Variants in CSMD1 observed in about 807,000 individuals in gnomAD.
The protein encoded by CSMD1 is CUB and sushi domain-containing protein 1.
Under a neutral mutation model 417.5 loss-of-function variants are expected in CSMD1, and 213 were observed. The observed-to-expected ratio is 0.51, with a 90% CI of 0.46 to 0.57. The LOEUF (loss-of-function observed/expected upper bound fraction) is 0.57. Among genes scored for constraint, CSMD1 ranks in the 20% least tolerant of loss-of-function variants. The probability of loss-of-function intolerance (pLI) is 0.00; values close to 1 mark genes in which losing one functional copy is unlikely to be tolerated. For missense variants in CSMD1, 6,923 were observed against 4,529.7 expected, an observed-to-expected ratio of 1.53 and a Z score of -15.17; for synonymous variants, 2,862 against 1,736.8, an observed-to-expected ratio of 1.65 and a Z score of -16.11.
At chr8:4,834,956 CAAAAAAA>C (rs1194297821) in intron 1 of CSMD1, among the ~76,000 whole-genome samples, 9 of 19,832 alleles carry the variant, frequency 4.5e-4, no homozygotes, top group Non-Finnish European at 5.9e-4. Flanking sequence ...GACTCCATCT[CAAAAAAA>C]AAAAAAAAAA....
intron 5 of CSMD1, among the ~76,000 whole-genome samples, chr8:3,898,076 G>A (rs902282856): frequency 2.0e-5 from 3 of 152,108 alleles, no homozygotes; most frequent in South Asian, 2.1e-4. Flanking sequence ...GGTATGGAGG[G>A]AAATATATTA....
intron 23 of CSMD1, 150 bp from the exon 24 acceptor site, chr8:3,308,653 G>T: frequency 1.6e-6 from 1 of 609,190 alleles, no homozygotes. Flanking sequence ...AAGAAAGATG[G>T]GTCTGTACTG....
At position 4,165,047 on chromosome 8, in the gene CSMD1, G is replaced by C. The variant is rs114646322; in HGVS notation, c.416-132948C>G. On this transcript the variant is annotated intron_variant, in intron 3 of 69. Coordinates refer to ENST00000635120, the MANE Select transcript of CSMD1 (RefSeq NM_033225.6). ...GACACCTGAGGTTTCTGTATTGGTA[G>C]AGGCTGTGTAGACAGTGAAGTTTAG... is the stretch of plus-strand genomic sequence containing the variant. Among the ~76,000 whole-genome samples, 9 of 152,254 alleles carry C rather than the reference G, an allele frequency of 5.9e-5. No homozygotes were observed. In the South Asian group the frequency reaches 1.5e-3, roughly 25 times the overall value.
intron 7 of CSMD1, among the ~76,000 whole-genome samples, chr8:3,667,444 G>A (rs1340394372): frequency 6.6e-6 from 1 of 152,204 alleles, no homozygotes; most frequent in Non-Finnish European, 1.5e-5. Context: ...AGCAGCCATT[G>A]GCAAGGCCTT....
chr8:4,257,900 TAAC>T (rs1013310218), intron 3 of CSMD1, among the ~76,000 whole-genome samples: 8 of 152,316 alleles, frequency 5.3e-5, no homozygotes, highest in South Asian at 2.1e-4. Context: ...GTGACCAGGC[TAAC>T]AACAACAACC....
At chr8:3,169,903 T>C (rs1210002283) in intron 37 of CSMD1, among the ~76,000 whole-genome samples, 1 of 152,222 alleles carries the variant, frequency 6.6e-6, no homozygotes, top group African/African-American at 2.4e-5. Context: ...GCTGGCTCTC[T>C]AGTCCTCTGT....
chr8:4,082,634 T>G (rs1800200069), intron 3 of CSMD1, among the ~76,000 whole-genome samples: 1 of 152,028 alleles, frequency 6.6e-6, no homozygotes, highest in South Asian at 2.1e-4. Context: ...ATTATTACAC[T>G]TTAACTTTTA....
intron 8 of CSMD1, among the ~76,000 whole-genome samples, chr8:3,601,399 C>T (rs919237793): frequency 1.3e-5 from 2 of 152,158 alleles, no homozygotes; most frequent in Admixed American, 6.5e-5. Context: ...CATTATCAGA[C>T]GATGTTTATG....
At chr8:4,837,094 G>C (rs913898515) in intron 1 of CSMD1, among the ~76,000 whole-genome samples, 3 of 151,666 alleles carry the variant, frequency 2.0e-5, no homozygotes, top group Admixed American at 1.3e-4. Flanking sequence ...TAATTAATGA[G>C]GGCTTCACTA....
intron 5 of CSMD1, among the ~76,000 whole-genome samples, chr8:3,967,011 G>T (rs56322849): frequency 3.3e-5 from 5 of 152,056 alleles, no homozygotes; most frequent in Non-Finnish European, 7.3e-5. Flanking sequence ...GTGTCAATTG[G>T]TGAAATAATC....
At chr8:4,228,083 G>A (rs1047720416) in intron 3 of CSMD1, among the ~76,000 whole-genome samples, 1 of 151,864 alleles carries the variant, frequency 6.6e-6, no homozygotes, top group African/African-American at 2.4e-5. Context: ...CCCCACACCA[G>A]GAGACACACT....
intron 3 of CSMD1, among the ~76,000 whole-genome samples, chr8:4,185,042 G>C (rs1278304412): frequency 6.6e-6 from 1 of 151,014 alleles, no homozygotes; most frequent in Non-Finnish European, 1.5e-5. Context: ...GGGAGGCTGA[G>C]GCAGGAGAAT....
At chr8:3,999,884 A>G (rs1453754485) in intron 4 of CSMD1, among the ~76,000 whole-genome samples, 3 of 152,176 alleles carry the variant, frequency 2.0e-5, no homozygotes, top group Non-Finnish European at 2.9e-5. Context: ...AGGGCTGCCC[A>G]TGTTTTGTAG....
chr8:3,710,741 C>G (rs1801458993), intron 6 of CSMD1, among the ~76,000 whole-genome samples: 2 of 152,168 alleles, frequency 1.3e-5, no homozygotes, highest in East Asian at 1.9e-4. Flanking sequence ...CTCCAACCTT[C>G]CAAAAGCCAT....
chr8:4,379,814 G>C (rs955270480), intron 3 of CSMD1, among the ~76,000 whole-genome samples: 7 of 152,176 alleles, frequency 4.6e-5, no homozygotes, highest in African/African-American at 7.2e-5. Context: ...AATTCTATGA[G>C]GTAAGTACTG....
At position 3,399,417 on chromosome 8, in the gene CSMD1, G is replaced by T. The variant is rs747133709; in HGVS notation, c.2379C>A (p.Gly793=). Residue 793 remains glycine, a synonymous_variant, in exon 16 of 70, where the codon GGC becomes GGA. Coordinates refer to ENST00000635120, the MANE Select transcript of CSMD1 (RefSeq NM_033225.6). ...TGTCAAAAGTTATTTTGATAGAGTG[G>T]CCTGGTTTTGCTTCAATTATCCATT... ...HCEWIIEAKP[G]HSIKITFDRF... 6.8e-6 allele frequency: 11 copies of T among 1,606,296 alleles called. No individual in the cohort carries two copies. The highest frequency in any genetic ancestry group is 1.3e-5 in the African/African-American group (1 of 74,838).
intron 2 of CSMD1, among the ~76,000 whole-genome samples, chr8:4,441,559 G>C (rs1396293516): frequency 6.6e-6 from 1 of 152,054 alleles, no homozygotes; most frequent in African/African-American, 2.4e-5. Flanking sequence ...GCACATGAAA[G>C]CCTATCTCAT....
At chr8:4,483,895 G>T (rs957349992) in intron 2 of CSMD1, among the ~76,000 whole-genome samples, 2 of 152,094 alleles carry the variant, frequency 1.3e-5, no homozygotes, top group South Asian at 2.1e-4. Context: ...AACCGAAAGG[G>T]TTTGCTTATT....
intron 25 of CSMD1, among the ~76,000 whole-genome samples, chr8:3,293,361 G>T (rs900456774): frequency 6.6e-6 from 1 of 152,100 alleles, no homozygotes; most frequent in Admixed American, 6.6e-5. Flanking sequence ...TCCTGAATTT[G>T]AATGTTGGCC....
Sources: allele counts gnomAD v4.1 joint callset (sites outside exome capture counted in the v4.1 genomes callset), GRCh38; gene constraint gnomAD v4.1.1; transcripts MANE v1.5; gene names NCBI Gene and HGNC (gene_info 2026-07-23, HGNC 2026-07-21).